Variants in SOX5 observed in about 807,000 individuals in gnomAD.
The protein encoded by SOX5 is transcription factor SOX-5.
In SOX5, 9 loss-of-function variants were observed where a neutral mutation model predicts 92.0. That is an observed-to-expected ratio of 0.10 (90% CI 0.06 to 0.17). The LOEUF is 0.17. SOX5 is among the 10% of genes least tolerant of loss of function. The pLI, the probability that SOX5 is intolerant of heterozygous loss-of-function variation, is 1.00. For synonymous variants in SOX5, 344 were observed against 336.3 expected (o/e 1.02, Z -0.25); for missense variants, 642 against 944.5 (o/e 0.68, Z 4.20).
chr12:24,512,939 T>G (rs1597465205), intron 1 of SOX5, among the ~76,000 whole-genome samples: 1 of 152,210 alleles, frequency 6.6e-6, no homozygotes, highest in Non-Finnish European at 1.5e-5. Flanking sequence ...CTTACGATGG[T>G]TGCACTTACG....
intron 1 of SOX5, among the ~76,000 whole-genome samples, chr12:24,546,152 A>G (rs1302255288): frequency 6.6e-6 from 1 of 152,224 alleles, no homozygotes; most frequent in Non-Finnish European, 1.5e-5. Context: ...ACACATGTAC[A>G]TAAACTATGA....
intron 1 of SOX5, among the ~76,000 whole-genome samples, chr12:24,522,198 T>A (rs1455796287): frequency 6.7e-6 from 1 of 150,364 alleles, no homozygotes; most frequent in Non-Finnish European, 1.5e-5. Flanking sequence ...CCTAGAAATA[T>A]GAGACTTATA....
chr12:23,589,293 A>T (rs752695240), intron 9 of SOX5, among the ~76,000 whole-genome samples: 1 of 151,962 alleles, frequency 6.6e-6, no homozygotes, highest in Non-Finnish European at 1.5e-5. Flanking sequence ...AAACAATATA[A>T]CAAAACTGGA....
intron 4 of SOX5, among the ~76,000 whole-genome samples, chr12:24,036,428 C>T (rs16927018): frequency 0.017 from 2,612 of 152,136 alleles, 69 homozygotes; most frequent in South Asian, 0.061. Flanking sequence ...TTAGATACTG[C>T]GAAGGTATAC....
At chr12:24,116,898 G>A (rs993385151) in intron 4 of SOX5, among the ~76,000 whole-genome samples, 1 of 150,570 alleles carries the variant, frequency 6.6e-6, no homozygotes, top group Non-Finnish European at 1.5e-5. Flanking sequence ...ACATATTTAT[G>A]TGTATGTATG....
At chr12:23,630,321 T>C (rs1438564248) in intron 8 of SOX5, among the ~76,000 whole-genome samples, 1 of 151,978 alleles carries the variant, frequency 6.6e-6, no homozygotes, top group East Asian at 1.9e-4. Flanking sequence ...TATGAAAAAC[T>C]ACCCTTCATG....
At chr12:24,509,937 A>G (rs1317806709) in intron 1 of SOX5, among the ~76,000 whole-genome samples, 1 of 152,230 alleles carries the variant, frequency 6.6e-6, no homozygotes, top group Non-Finnish European at 1.5e-5. Flanking sequence ...TTGCAATGTT[A>G]CTTTTATGGA....
intron 4 of SOX5, among the ~76,000 whole-genome samples, chr12:24,095,142 G>GAGAGAGAGAGAT (rs1555507660): frequency 9.4e-5 from 14 of 148,472 alleles, no homozygotes; most frequent in South Asian, 2.1e-4. Context: ...GAGAGAGAGA[G>GAGAGAGAGAGAT]AGAGAGAGAG....
chr12:24,382,711 A>C (rs1473866643), intron 1 of SOX5, among the ~76,000 whole-genome samples: 1 of 152,190 alleles, frequency 6.6e-6, no homozygotes, highest in African/African-American at 2.4e-5. Flanking sequence ...CCAGACAGGA[A>C]ATAGCGGAGG....
chr12:24,414,679 A>G (rs1964705126), intron 1 of SOX5, among the ~76,000 whole-genome samples: 1 of 152,244 alleles, frequency 6.6e-6, no homozygotes, highest in Non-Finnish European at 1.5e-5. Flanking sequence ...CCAATAGGGA[A>G]GTATCTGAAT....
chr12:24,423,566 T>C (rs768207626), intron 1 of SOX5, among the ~76,000 whole-genome samples: 2 of 152,256 alleles, frequency 1.3e-5, no homozygotes, highest in Non-Finnish European at 2.9e-5. Flanking sequence ...TAACAAAGTA[T>C]GTAGAAATCA....
At chr12:24,214,178 A>G (rs927939707) in intron 3 of SOX5, among the ~76,000 whole-genome samples, 10 of 152,140 alleles carry the variant, frequency 6.6e-5, no homozygotes, top group African/African-American at 2.4e-5. Flanking sequence ...AAGAATAAAT[A>G]CTTCATAAAC....
intron 2 of SOX5, among the ~76,000 whole-genome samples, chr12:24,337,712 G>T (rs944004971): frequency 4.6e-5 from 7 of 152,130 alleles, no homozygotes; most frequent in African/African-American, 1.7e-4. Context: ...AAATGACATT[G>T]CCATAAAATA....
At chr12:23,856,519 C>A (rs576533394) in intron 2 of SOX5, among the ~76,000 whole-genome samples, 68 of 152,118 alleles carry the variant, frequency 4.5e-4, no homozygotes, top group African/African-American at 1.5e-3. Flanking sequence ...AATTAAAGTT[C>A]TAAAAGTAGT....
At chr12:24,429,252 G>T (rs748766271) in intron 1 of SOX5, among the ~76,000 whole-genome samples, 5 of 152,066 alleles carry the variant, frequency 3.3e-5, no homozygotes, top group Non-Finnish European at 7.4e-5. Context: ...GGGAGGCGGA[G>T]CTTGCAGTGA....
At position 24,049,638 on chromosome 12, in the gene SOX5, GTTTTTTTTTTTTTTTTTTTTTTTTT is replaced by G. The variant is rs527647441; in HGVS notation, c.-1-153639_-1-153615del. Among the ~76,000 whole-genome samples the G allele has an allele frequency of 5.0e-4, 37 of 73,752 alleles. 1 individual carries two copies. Among genetic ancestry groups the G allele is most frequent in the African/African-American group, 1.8e-3 (31 of 16,824 alleles). The allele number at this position is 73,752 out of a possible 152,430, so 48.4% of individuals were successfully genotyped here. ...TGTTGATATTTTCCAATCCTTCATA[GTTTTTTTTTTTTTTTTTTTTTTTTT>G]TTTTTTTTTGGAGGTAGGGGGAGAA... On this transcript the variant is annotated intron_variant, in intron 4 of 4. Coordinates refer to the SOX5 transcript ENST00000446891.
At chr12:24,223,760 A>G (rs765423081) in intron 3 of SOX5, among the ~76,000 whole-genome samples, 4 of 151,996 alleles carry the variant, frequency 2.6e-5, no homozygotes, top group Non-Finnish European at 5.9e-5. Flanking sequence ...ATCTCAAACA[A>G]AAACAAAAAC....
chr12:24,506,782 G>GTTTGTTTTTTT, intron 1 of SOX5, among the ~76,000 whole-genome samples: 1 of 80,278 alleles, frequency 1.2e-5, no homozygotes, highest in Non-Finnish European at 2.4e-5. Flanking sequence ...TATCCAAATG[G>GTTTGTTTTTTT]TCTTTTTTTT....
At chr12:23,792,679 C>T (rs371435280) in intron 3 of SOX5, among the ~76,000 whole-genome samples, 1 of 126,492 alleles carries the variant, frequency 7.9e-6, no homozygotes, top group Non-Finnish European at 1.6e-5. Context: ...CAAAGCACTG[C>T]GATATGGAGC....
Sources: gnomAD v4.1 joint callset for allele counts (sites outside exome capture counted in the v4.1 genomes callset) on GRCh38, gnomAD v4.1.1 for gene constraint, MANE v1.5 for transcripts, NCBI Gene and HGNC (gene_info 2026-07-23, HGNC 2026-07-21) for gene names.